The following ATRNL1 variants were observed in gnomAD, a reference collection of about 807,000 sequenced individuals.
ATRNL1 encodes attractin like 1.
Under a neutral mutation model 182.7 loss-of-function variants are expected in ATRNL1, and 95 were observed. The observed-to-expected ratio is 0.52, with a 90% CI of 0.44 to 0.62. The LOEUF is 0.62. Among genes scored for constraint, ATRNL1 ranks in the 20% least tolerant of loss-of-function variants. ATRNL1 has a pLI of 0.00. For synonymous variants in ATRNL1, 576 were observed against 568.3 expected (o/e 1.01, Z -0.19); for missense variants, 1,471 against 1,679.5 (o/e 0.88, Z 2.17).
intron 8 of ATRNL1, among the ~76,000 whole-genome samples, chr10:115,176,817 A>G (rs1394615365): frequency 3.9e-5 from 6 of 152,100 alleles, no homozygotes; most frequent in Admixed American, 3.9e-4. Flanking sequence ...AAAAAAATTT[A>G]TATTCTTTTT....
At chr10:115,397,219 A>T (rs1261049571) in intron 20 of ATRNL1, among the ~76,000 whole-genome samples, 3 of 151,976 alleles carry the variant, frequency 2.0e-5, no homozygotes, top group African/African-American at 7.2e-5. Flanking sequence ...ATGAAGATGA[A>T]TAACATATGG....
At chr10:115,758,731 C>A (rs1044895019) in intron 27 of ATRNL1, among the ~76,000 whole-genome samples, 3 of 152,198 alleles carry the variant, frequency 2.0e-5, no homozygotes, top group Non-Finnish European at 4.4e-5. Flanking sequence ...TGCCCACAGC[C>A]GCCCCTTCCC....
chr10:115,545,078 T>G (rs1182212925), intron 25 of ATRNL1, among the ~76,000 whole-genome samples: 1 of 151,770 alleles, frequency 6.6e-6, no homozygotes, highest in Non-Finnish European at 1.5e-5. Context: ...AATGAGACAT[T>G]CAGTATTAGA....
chr10:115,108,718 C>T (rs1554866913), intron 1 of ATRNL1, among the ~76,000 whole-genome samples: 1 of 152,158 alleles, frequency 6.6e-6, no homozygotes, highest in Non-Finnish European at 1.5e-5. Context: ...TCAGCATTCA[C>T]CCATGCAAGC....
At chr10:115,840,076 G>A (rs1259474569) in intron 27 of ATRNL1, among the ~76,000 whole-genome samples, 3 of 152,128 alleles carry the variant, frequency 2.0e-5, no homozygotes, top group Admixed American at 6.6e-5. Context: ...CTCAGTCTTA[G>A]GTGCCAGGGA....
intron 26 of ATRNL1, among the ~76,000 whole-genome samples, chr10:115,687,594 C>T (rs1001558913): frequency 6.6e-6 from 1 of 152,010 alleles, no homozygotes; most frequent in Non-Finnish European, 1.5e-5. Flanking sequence ...AATACAGATA[C>T]CTCTTTGAGA....
At chr10:115,610,752 A>G (rs529965707) in intron 26 of ATRNL1, among the ~76,000 whole-genome samples, 2 of 152,300 alleles carry the variant, frequency 1.3e-5, no homozygotes, top group Admixed American at 1.3e-4. Context: ...GATAAATGTT[A>G]TTTAGCAATT....
At chr10:115,265,404 C>T (rs1284239986) in intron 11 of ATRNL1, 127 bp downstream of exon 11, 3 of 542,904 alleles carry the variant, frequency 5.5e-6, no homozygotes, top group Non-Finnish European at 9.6e-6. Context: ...CATCTCTTCT[C>T]TACCATAGAA....
chr10:115,251,469 C>T (rs924360589), intron 10 of ATRNL1, among the ~76,000 whole-genome samples: 2 of 152,092 alleles, frequency 1.3e-5, no homozygotes, highest in Admixed American at 1.3e-4. Context: ...TGAGCTGGAC[C>T]TTGTCCAGCT....
At chr10:115,827,261 T>C (rs528326837) in intron 27 of ATRNL1, among the ~76,000 whole-genome samples, 1 of 152,282 alleles carries the variant, frequency 6.6e-6, no homozygotes, top group Admixed American at 6.5e-5. Context: ...ACTAAACCCA[T>C]GAGGCAAGAG....
chr10:115,384,486 T>C (rs1303670173), intron 19 of ATRNL1, among the ~76,000 whole-genome samples: 2 of 152,062 alleles, frequency 1.3e-5, no homozygotes, highest in Non-Finnish European at 2.9e-5. Flanking sequence ...TTATGGGCCA[T>C]TCGGTCTGTG....
intron 17 of ATRNL1, among the ~76,000 whole-genome samples, chr10:115,304,430 G>A (rs138783788): frequency 2.6e-5 from 4 of 152,138 alleles, no homozygotes; most frequent in African/African-American, 7.2e-5. Context: ...CTTGTCTCAC[G>A]TTGAATTAGA....
At chr10:115,755,613 T>C (rs1200248284) in intron 27 of ATRNL1, among the ~76,000 whole-genome samples, 3 of 152,226 alleles carry the variant, frequency 2.0e-5, no homozygotes, top group Non-Finnish European at 4.4e-5. Context: ...TCATTATGGA[T>C]ATTGGCCTGA....
At chr10:115,169,206 C>CTTTT (rs781950574) in intron 7 of ATRNL1, among the ~76,000 whole-genome samples, 2 of 125,976 alleles carry the variant, frequency 1.6e-5, no homozygotes, top group African/African-American at 2.9e-5. Flanking sequence ...GTTTTGATTA[C>CTTTT]TTTTTTTTTT....
intron 26 of ATRNL1, among the ~76,000 whole-genome samples, chr10:115,612,283 GT>G (rs1857203843): frequency 6.6e-6 from 1 of 151,878 alleles, no homozygotes; most frequent in Non-Finnish European, 1.5e-5. Context: ...AACCGAGGAA[GT>G]TTGGCCTTTG....
intron 12 of ATRNL1, among the ~76,000 whole-genome samples, chr10:115,267,218 G>GTA (rs1189983180): frequency 2.7e-5 from 4 of 150,096 alleles, no homozygotes; most frequent in African/African-American, 7.3e-5. Context: ...TGTATATATA[G>GTA]TATATATATC....
At chr10:115,895,300 G>A (rs544341301) in intron 28 of ATRNL1, among the ~76,000 whole-genome samples, 3 of 152,340 alleles carry the variant, frequency 2.0e-5, no homozygotes, top group East Asian at 3.9e-4. Context: ...GTCCACCGGG[G>A]ATACAGCTGA....
chr10:115,704,562 A>G (rs1451933283), intron 26 of ATRNL1, among the ~76,000 whole-genome samples: 1 of 151,916 alleles, frequency 6.6e-6, no homozygotes, highest in African/African-American at 2.4e-5. Context: ...TACATTTAAT[A>G]ATTTTATTTT....
At chr10:115,592,941 A>ATCTGTCTG (rs1488720738) in intron 26 of ATRNL1, among the ~76,000 whole-genome samples, 1 of 151,936 alleles carries the variant, frequency 6.6e-6, no homozygotes, top group East Asian at 1.9e-4. Context: ...CTGTCTGTCT[A>ATCTGTCTG]TCTGTCTATC....
Sources: gnomAD v4.1 joint callset for allele counts (sites outside exome capture counted in the v4.1 genomes callset) on GRCh38, gnomAD v4.1.1 for gene constraint, MANE v1.5 for transcripts, NCBI Gene and HGNC (gene_info 2026-07-23, HGNC 2026-07-21) for gene names.